Variants in PREX2 observed in about 807,000 individuals in gnomAD.
The protein encoded by PREX2 is phosphatidylinositol 3,4,5-trisphosphate-dependent Rac exchanger 2 protein.
A neutral mutation model predicts 203.2 loss-of-function variants in PREX2; 107 were observed. The ratio of observed to expected loss-of-function variants is 0.53; its 90% CI spans 0.45 to 0.62. The LOEUF is 0.62. PREX2 is among the 20% of genes least tolerant of loss of function. PREX2 has a pLI of 0.00. For synonymous variants in PREX2, 672 were observed against 663.6 expected, an observed-to-expected ratio of 1.01 and a Z score of -0.19; for missense variants, 1,777 against 1,955.9, an observed-to-expected ratio of 0.91 and a Z score of 1.72.
intron 14 of PREX2, among the ~76,000 whole-genome samples, chr8:68,074,122 A>T (rs2129611714): frequency 6.6e-6 from 1 of 152,070 alleles, no homozygotes; most frequent in African/African-American, 2.4e-5. Flanking sequence ...GTGCACCGCT[A>T]CACCTGGCTA....
intron 35 of PREX2, among the ~76,000 whole-genome samples, chr8:68,173,516 T>A (rs1039387023): frequency 1.3e-5 from 2 of 152,208 alleles, no homozygotes; most frequent in African/African-American, 4.8e-5. Flanking sequence ...ATTATGTAAC[T>A]TACCTGGACT....
chr8:68,105,369 C>A (rs1376708423), intron 23 of PREX2: 1 of 1,362,726 alleles, frequency 7.3e-7, no homozygotes, highest in Non-Finnish European at 9.8e-7. Context: ...CTGATTCTTA[C>A]CCTTTGGAAC....
At chr8:67,988,804 C>A (rs28580020) in intron 1 of PREX2, among the ~76,000 whole-genome samples, 17,416 of 152,214 alleles carry the variant, frequency 0.11, 1,131 homozygotes, top group African/African-American at 0.19. Flanking sequence ...GGGAAGGTGA[C>A]AAGGTGGAGA....
intron 7 of PREX2, among the ~76,000 whole-genome samples, chr8:68,042,112 A>G (rs924958855): frequency 6.6e-6 from 1 of 151,990 alleles, no homozygotes; most frequent in Non-Finnish European, 1.5e-5. Context: ...TATGAACTTC[A>G]CCTCAGCATA....
chr8:68,028,707 A>T (rs1280698917), intron 5 of PREX2, among the ~76,000 whole-genome samples: 1 of 151,568 alleles, frequency 6.6e-6, no homozygotes, highest in East Asian at 1.9e-4. Flanking sequence ...CTCTGACTTG[A>T]CTCAGTTTGC....
In PREX2 at chr8:68,192,381, C is replaced by T; in HGVS notation, c.4460C>T (p.Ala1487Val). Reference sequence around the variant, plus strand: ...TTGGATGAACTTTACCGACTGGTAGCCTCGTTTATCAGATCCAAGCGCACA... The same window carrying T: ...TTGGATGAACTTTACCGACTGGTAGTCTCGTTTATCAGATCCAAGCGCACA... ...NALDELYRLV[A>V]SFIRSKRTAA... Residue 1487 changes from alanine to valine, a missense_variant, in exon 37 of 40, where the codon GCC (alanine) becomes GTC (valine). Physicochemically the swap from Ala to Val is moderately conservative, Grantham distance 64. Transcript: ENST00000288368. 1 of 1,612,562 alleles carries T rather than the reference C, an allele frequency of 6.2e-7. No homozygotes were observed. Among genetic ancestry groups the T allele is most frequent in the Non-Finnish European group, 8.5e-7 (1 of 1,179,080 alleles).
At chr8:68,131,464 G>C (rs571474550) in intron 31 of PREX2, among the ~76,000 whole-genome samples, 1 of 152,138 alleles carries the variant, frequency 6.6e-6, no homozygotes, top group African/African-American at 2.4e-5. Flanking sequence ...TCTAGTAGTT[G>C]TTGCAGCTGT....
At chr8:68,035,981 T>C (rs1808016721) in intron 6 of PREX2, among the ~76,000 whole-genome samples, 1 of 152,198 alleles carries the variant, frequency 6.6e-6, no homozygotes, top group Non-Finnish European at 1.5e-5. Flanking sequence ...ATTTGATTAA[T>C]AATTGACTAA....
At chr8:68,022,769 C>T (rs1807608091) in intron 4 of PREX2, among the ~76,000 whole-genome samples, 1 of 152,082 alleles carries the variant, frequency 6.6e-6, no homozygotes, top group African/African-American at 2.4e-5. Context: ...GAAAGACCTT[C>T]ATGTCCCTTT....
chr8:68,032,571 G>C lies in PREX2; in HGVS notation c.705+1913G>C, dbSNP rs886115114. Among the ~76,000 whole-genome samples, 5 of 152,148 alleles carry C rather than the reference G, an allele frequency of 3.3e-5. No individual in the cohort carries two copies. In the South Asian group the frequency reaches 8.3e-4, roughly 25 times the overall value. ...GCCTGTCCCAGCCCACCACCCCATC[G>C]AGGGGGGAACTTGGTTTTCAGGCCT... On this transcript the variant is annotated intron_variant, in intron 6 of 39. Transcript: ENST00000288368.
At chr8:68,084,413 A>G (rs1809622012) in intron 18 of PREX2, among the ~76,000 whole-genome samples, 1 of 152,140 alleles carries the variant, frequency 6.6e-6, no homozygotes, top group Non-Finnish European at 1.5e-5. Flanking sequence ...TTTAATATGT[A>G]AAAATACATA....
chr8:68,184,039 A>G (rs1812138338), intron 35 of PREX2, among the ~76,000 whole-genome samples: 1 of 152,020 alleles, frequency 6.6e-6, no homozygotes, highest in Non-Finnish European at 1.5e-5. Context: ...AGATTATCTC[A>G]TTATTCAGAA....
chr8:68,017,663 A>C (rs1378725091), intron 1 of PREX2, among the ~76,000 whole-genome samples, 183 bp from the exon 2 acceptor site: 1 of 152,234 alleles, frequency 6.6e-6, no homozygotes, highest in Non-Finnish European at 1.5e-5. Flanking sequence ...TGGTAATGGA[A>C]GTATAATTCC....
At position 68,069,081 on chromosome 8, in the gene PREX2, G is replaced by A. The variant is rs756231722; in HGVS notation, c.1388G>A (p.Arg463His). The part of the protein sequence containing the change: ...FKPEQMLYRF[R>H]YDDGTFYPRN... ...CCAGAACAGATGTTATATAGATTTC[G>A]CTATGATGATGGAACATTTTATCCA... The change falls in exon 12 of 40, where the codon CGC becomes CAC. Residue 463 changes from arginine to histidine, a missense_variant. By Grantham distance (29) the Arg-to-His change is conservative. Coordinates refer to ENST00000288368, the MANE Select transcript of PREX2 (RefSeq NM_024870.4). The A allele has an allele frequency of 1.9e-6, 3 of 1,571,314 alleles. No homozygotes were observed. The highest frequency in any genetic ancestry group is 4.7e-5 in the East Asian group (2 of 42,166).
intron 11 of PREX2, among the ~76,000 whole-genome samples, chr8:68,061,593 A>G (rs565489174): frequency 3.2e-4 from 48 of 152,172 alleles, no homozygotes; most frequent in Non-Finnish European, 6.0e-4. Flanking sequence ...ACCATATTTT[A>G]TAACTCTCTG....
chr8:67,968,886 C>T (rs542957149), intron 1 of PREX2, among the ~76,000 whole-genome samples: 2 of 152,280 alleles, frequency 1.3e-5, no homozygotes, highest in South Asian at 2.1e-4. Context: ...TACGGGTGAA[C>T]TTTAAAGGCA....
chr8:68,083,524 C>G, intron 18 of PREX2, 136 bp downstream of exon 18: 1 of 534,188 alleles, frequency 1.9e-6, no homozygotes, highest in South Asian at 4.6e-5. Flanking sequence ...ATCATTAATA[C>G]TGGTTTACAG....
Position 68,233,274 on chromosome 8 carries a change from C to T in PREX2, c.*1896C>T, listed in dbSNP as rs1163850552. 6.6e-6 allele frequency: 1 copy of T among 152,150 alleles called. No individual in the cohort carries two copies. The highest frequency in any genetic ancestry group is 2.4e-5 in the African/African-American group (1 of 41,444). 9.4% of individuals were successfully genotyped at this position (152,150 alleles called of 1,614,324 possible). A position where few individuals can be genotyped will look rare whatever the true frequency, so the allele number is the denominator to read the frequency against. ...TAGCTAGCAAGTCCTTTCATATTGT[C>T]ATGACTGTTTTCTCATCACCATCCT... is the stretch of plus-strand genomic sequence containing the variant. On this transcript the variant is annotated 3_prime_UTR_variant, in exon 40 of 40. Coordinates refer to ENST00000288368, the MANE Select transcript of PREX2 (RefSeq NM_024870.4).
At chr8:68,060,093 G>T (rs1274066661) in intron 10 of PREX2, among the ~76,000 whole-genome samples, 1 of 152,148 alleles carries the variant, frequency 6.6e-6, no homozygotes, top group Non-Finnish European at 1.5e-5. Context: ...ACCTAGATTA[G>T]AATTTAATTG....
Sources: gnomAD v4.1 joint callset for allele counts (sites outside exome capture counted in the v4.1 genomes callset) on GRCh38, gnomAD v4.1.1 for gene constraint, MANE v1.5 for transcripts, NCBI Gene and HGNC (gene_info 2026-07-23, HGNC 2026-07-21) for gene names.